SSBP2: variants seen among roughly 807,000 people sequenced by gnomAD.
SSBP2 encodes the protein single-stranded DNA-binding protein 2.
A neutral mutation model predicts 61.8 loss-of-function variants in SSBP2; 17 were observed. The ratio of observed to expected loss-of-function variants is 0.28; its 90% CI spans 0.19 to 0.41. The LOEUF is 0.41. Among genes scored for constraint, SSBP2 ranks in the 10% least tolerant of loss-of-function variants. The pLI, the probability that SSBP2 is intolerant of heterozygous loss-of-function variation, is 1.00. For synonymous variants in SSBP2, 139 were observed against 141.3 expected (o/e 0.98, Z 0.12); for missense variants, 310 against 458.7 (o/e 0.68, Z 2.96).
At chr5:81,497,673 A>G (rs532425245) in intron 5 of SSBP2, among the ~76,000 whole-genome samples, 2 of 152,286 alleles carry the variant, frequency 1.3e-5, no homozygotes, top group South Asian at 2.1e-4. Flanking sequence ...AAGAGTAAGT[A>G]AAAAACAAAG....
intron 8 of SSBP2, among the ~76,000 whole-genome samples, chr5:81,472,563 C>T (rs936173400): frequency 6.6e-6 from 1 of 151,938 alleles, no homozygotes; most frequent in African/African-American, 2.4e-5. Context: ...TTTATACTTA[C>T]TCTTTAATAT....
At chr5:81,631,994 T>G (rs533870686) in intron 3 of SSBP2, among the ~76,000 whole-genome samples, 1 of 152,058 alleles carries the variant, frequency 6.6e-6, no homozygotes, top group South Asian at 2.1e-4. Flanking sequence ...CTGTAGAAAA[T>G]TGGGAAGATA....
chr5:81,432,206 C>T (rs1399066195), intron 15 of SSBP2, among the ~76,000 whole-genome samples: 1 of 152,040 alleles, frequency 6.6e-6, no homozygotes, highest in Admixed American at 6.5e-5. Flanking sequence ...CAGGTCAGCA[C>T]ACATGAGATG....
chr5:81,469,506 T>C (rs1042523396), intron 8 of SSBP2, among the ~76,000 whole-genome samples: 1 of 151,922 alleles, frequency 6.6e-6, no homozygotes, highest in Non-Finnish European at 1.5e-5. Flanking sequence ...AAAAAGTATG[T>C]AAATTTATTA....
chr5:81,725,637 G>C lies in SSBP2; in HGVS notation c.62+25344C>G, dbSNP rs1448604831. On this transcript the variant is annotated intron_variant, in intron 1 of 16. Transcript: ENST00000320672. The stretch of plus-strand genomic sequence containing the variant: ...CCATCACCAGAGGGCCAGAGATGTG[G>C]TAAGTGCATTCACTGACATACCTAG... Among the ~76,000 whole-genome samples, 4 of 152,154 alleles carry C rather than the reference G, an allele frequency of 2.6e-5. No homozygotes were observed. The East Asian group carries it at 7.7e-4, about 29-fold the overall frequency.
intron 15 of SSBP2, 115 bp downstream of exon 15, chr5:81,437,315 C>T: frequency 1.1e-6 from 1 of 937,100 alleles, no homozygotes; most frequent in African/African-American, 1.7e-5. Context: ...ACCTGGTCTT[C>T]TACTTTCAAA....
intron 1 of SSBP2, among the ~76,000 whole-genome samples, chr5:81,685,864 T>C (rs974422308): frequency 6.6e-6 from 1 of 152,240 alleles, no homozygotes; most frequent in African/African-American, 2.4e-5. Flanking sequence ...CCATTTATTT[T>C]AGAAATAATG....
intron 4 of SSBP2, among the ~76,000 whole-genome samples, chr5:81,554,428 ATATAAT>A (rs1772439237): frequency 6.6e-6 from 1 of 150,730 alleles, no homozygotes; most frequent in Non-Finnish European, 1.5e-5. Flanking sequence ...AATTTTAAAT[ATATAAT>A]TATATTTATT....
At position 81,501,690 on chromosome 5, in the gene SSBP2, G is replaced by A. The variant is rs544643276; in HGVS notation, c.372+11938C>T. Among the ~76,000 whole-genome samples, 13 of 151,390 alleles carry A rather than the reference G, an allele frequency of 8.6e-5. No individual in the cohort carries two copies. In the South Asian group the frequency reaches 2.7e-3, roughly 32 times the overall value. On this transcript the variant is annotated intron_variant, in intron 5 of 16. Transcript: ENST00000320672. ...CCATTCTCTCGCCTCAGCCTCCTGA[G>A]TAGCTGGGACTACAGGCGCCCACCA...
At chr5:81,733,162 C>A (rs1258118140) in intron 1 of SSBP2, among the ~76,000 whole-genome samples, 1 of 151,976 alleles carries the variant, frequency 6.6e-6, no homozygotes, top group Admixed American at 6.5e-5. Flanking sequence ...AGATAAAAAT[C>A]TTATTAAGCT....
At chr5:81,532,372 C>A (rs944526883) in intron 4 of SSBP2, among the ~76,000 whole-genome samples, 6 of 151,972 alleles carry the variant, frequency 3.9e-5, no homozygotes, top group Non-Finnish European at 7.4e-5. Context: ...TTTTCTAAGT[C>A]TGAACTTTGT....
At chr5:81,542,506 C>G (rs1771350976) in intron 4 of SSBP2, among the ~76,000 whole-genome samples, 2 of 152,040 alleles carry the variant, frequency 1.3e-5, no homozygotes, top group African/African-American at 2.4e-5. Context: ...TGGTATCAAC[C>G]TAGATGTCAA....
At chr5:81,450,226 T>C (rs769722865) in intron 10 of SSBP2, among the ~76,000 whole-genome samples, 7 of 152,300 alleles carry the variant, frequency 4.6e-5, no homozygotes, top group Non-Finnish European at 8.8e-5. Context: ...TTTTTCTATG[T>C]TGCCCACGCT....
chr5:81,458,525 C>T (rs767039648), intron 10 of SSBP2, among the ~76,000 whole-genome samples: 12 of 152,148 alleles, frequency 7.9e-5, no homozygotes, highest in Non-Finnish European at 1.5e-4. Flanking sequence ...CAATGTTTAA[C>T]TCTGAAGTTA....
At chr5:81,664,387 C>T (rs1046475682) in intron 1 of SSBP2, among the ~76,000 whole-genome samples, 2 of 152,180 alleles carry the variant, frequency 1.3e-5, no homozygotes, top group South Asian at 4.2e-4. Context: ...GCCTTGGCCT[C>T]CCAAAGTGCT....
chr5:81,458,632 G>A (rs939280136), intron 10 of SSBP2, among the ~76,000 whole-genome samples: 1 of 152,210 alleles, frequency 6.6e-6, no homozygotes, highest in African/African-American at 2.4e-5. Flanking sequence ...CTGCCTTGAG[G>A]AGTCAGAGAC....
At chr5:81,465,440 T>C (rs1764825909) in intron 9 of SSBP2, among the ~76,000 whole-genome samples, 1 of 152,014 alleles carries the variant, frequency 6.6e-6, no homozygotes, top group East Asian at 1.9e-4. Flanking sequence ...TTGGAAGCAG[T>C]TATTTTAATC....
intron 4 of SSBP2, among the ~76,000 whole-genome samples, chr5:81,538,782 A>G (rs554926000): frequency 2.0e-5 from 3 of 152,316 alleles, no homozygotes; most frequent in African/African-American, 7.2e-5. Context: ...GTGACAGCAC[A>G]TCTGTTCACA....
chr5:81,496,813 G>A lies in SSBP2; in HGVS notation c.373-7504C>T, dbSNP rs182347025. On this transcript the variant is annotated intron_variant, in intron 5 of 16. Coordinates refer to ENST00000320672, the MANE Select transcript of SSBP2 (RefSeq NM_012446.5). ...CTTTTCTTTGTAACACCCTGCCATAGGAATACCTTTAGAATAACGGCAGAT... is the reference window on the plus strand; with the variant it reads ...CTTTTCTTTGTAACACCCTGCCATAAGAATACCTTTAGAATAACGGCAGAT... Among the ~76,000 whole-genome samples the A allele has an allele frequency of 1.4e-4, 21 of 151,896 alleles. No homozygotes were observed. The East Asian group carries it at 3.7e-3, about 26-fold the overall frequency.
Sources: allele counts gnomAD v4.1 joint callset (sites outside exome capture counted in the v4.1 genomes callset), GRCh38; gene constraint gnomAD v4.1.1; transcripts MANE v1.5; gene names NCBI Gene and HGNC (gene_info 2026-07-23, HGNC 2026-07-21).